TSC22D1: variants seen among roughly 807,000 people sequenced by gnomAD.
TSC22D1 encodes the protein TSC22 domain family member 1.
In TSC22D1, 9 loss-of-function variants were observed where a neutral mutation model predicts 74.2. That is an observed-to-expected ratio of 0.12 (90% CI 0.07 to 0.21). The LOEUF (loss-of-function observed/expected upper bound fraction) is 0.21, where lower values mean the gene tolerates loss of function less well. Among genes scored for constraint, TSC22D1 ranks in the 10% least tolerant of loss-of-function variants. TSC22D1 has a pLI of 1.00. For missense variants in TSC22D1, 1,427 were observed against 1,304.7 expected, an observed-to-expected ratio of 1.09 and a Z score of -1.44; for synonymous variants, 586 against 492.5, an observed-to-expected ratio of 1.19 and a Z score of -2.51.
At chr13:44,561,897 G>A (rs927487056) in intron 1 of TSC22D1, among the ~76,000 whole-genome samples, 15 of 152,090 alleles carry the variant, frequency 9.9e-5, no homozygotes, top group Admixed American at 6.5e-4. Flanking sequence ...ACAAACACAC[G>A]TTTATTCTTG....
In TSC22D1 at chr13:44,526,822, TCA is replaced by T. The variant is rs149240156; in HGVS notation, c.2912+46339_2912+46340del. Among the ~76,000 whole-genome samples, 611 of 152,092 alleles carry T rather than the reference TCA, an allele frequency of 4.0e-3. 5 individuals are homozygous for T. Among genetic ancestry groups the T allele is most frequent in the Middle Eastern group, 0.017 (5 of 294 alleles). On this transcript the variant is annotated intron_variant, in intron 1 of 2. Transcript: ENST00000458659. ...TCCAACATTTATGACAGACACCAAA[TCA>T]CAGAGGCAGAAAGTTTGGAGAACAT... is the stretch of plus-strand genomic sequence containing the variant.
At chr13:44,463,663 G>A (rs1315360803) in intron 1 of TSC22D1, among the ~76,000 whole-genome samples, 1 of 152,144 alleles carries the variant, frequency 6.6e-6, no homozygotes, top group Non-Finnish European at 1.5e-5. Context: ...TGAAAAAAAT[G>A]TATTTGCAAA....
chr13:44,509,950 C>CAAAAAAAAAAAAAAAAAAAAAAACA, intron 1 of TSC22D1, among the ~76,000 whole-genome samples: 13 of 51,420 alleles, frequency 2.5e-4, no homozygotes, highest in South Asian at 1.0e-3. Flanking sequence ...AGAAAATAAG[C>CAAAAAAAAAAAAAAAAAAAAAAACA]AAAAAAAAAA....
intron 1 of TSC22D1, among the ~76,000 whole-genome samples, chr13:44,540,796 G>C (rs1326732918): frequency 6.6e-6 from 1 of 152,180 alleles, no homozygotes; most frequent in Non-Finnish European, 1.5e-5. Context: ...AGGAAAAGCT[G>C]AAAGGAGAAT....
intron 1 of TSC22D1, among the ~76,000 whole-genome samples, chr13:44,566,771 G>T (rs1410687166): frequency 6.6e-6 from 1 of 152,108 alleles, no homozygotes. Context: ...TTTGAAAGCT[G>T]GAAAGCAGAC....
chr13:44,487,078 A>G (rs1011716862), intron 1 of TSC22D1, among the ~76,000 whole-genome samples: 3 of 152,204 alleles, frequency 2.0e-5, no homozygotes, highest in Non-Finnish European at 4.4e-5. Context: ...GCCAAGTAAC[A>G]GAAGATGAAA....
chr13:44,562,563 T>G (rs2138203045), intron 1 of TSC22D1, among the ~76,000 whole-genome samples: 1 of 152,288 alleles, frequency 6.6e-6, no homozygotes, highest in East Asian at 1.9e-4. Context: ...CACTTCCTTT[T>G]TGGTAGAGAC....
intron 1 of TSC22D1, among the ~76,000 whole-genome samples, chr13:44,502,728 C>T (rs1879271887): frequency 6.6e-6 from 1 of 152,296 alleles, no homozygotes. Context: ...GGTTGAGTTG[C>T]TTGACTAAGC....
At chr13:44,555,329 T>C (rs917867036) in intron 1 of TSC22D1, among the ~76,000 whole-genome samples, 1 of 151,716 alleles carries the variant, frequency 6.6e-6, no homozygotes, top group African/African-American at 2.4e-5. Context: ...AATACGTAGG[T>C]CGGGCGTGGT....
chr13:44,566,150 C>T (rs1045582909), intron 1 of TSC22D1, among the ~76,000 whole-genome samples: 1 of 151,910 alleles, frequency 6.6e-6, no homozygotes, highest in Non-Finnish European at 1.5e-5. Context: ...TGAAGCCTGC[C>T]TATTTTTTAG....
chr13:44,463,017 T>C (rs1877083154), intron 1 of TSC22D1, among the ~76,000 whole-genome samples: 1 of 152,198 alleles, frequency 6.6e-6, no homozygotes, highest in South Asian at 2.1e-4. Flanking sequence ...GTTTAAATCC[T>C]GCCAGTCATC....
intron 1 of TSC22D1, among the ~76,000 whole-genome samples, chr13:44,494,966 T>C (rs1205735475): frequency 1.3e-5 from 2 of 151,928 alleles, no homozygotes; most frequent in Non-Finnish European, 2.9e-5. Flanking sequence ...ATACAATAAC[T>C]GAAATGAAAA....
At chr13:44,441,877 T>C (rs1349947942) in intron 1 of TSC22D1, among the ~76,000 whole-genome samples, 3 of 152,120 alleles carry the variant, frequency 2.0e-5, no homozygotes, top group African/African-American at 7.2e-5. Context: ...CACACCTGCA[T>C]GTGAGGAAAC....
In TSC22D1 at chr13:44,574,949, C is replaced by T; in HGVS notation, c.1126G>A (p.Ala376Thr). The change falls in exon 1 of 3, where the codon GCT (alanine) becomes ACT (threonine). Residue 376 changes from alanine (A) to threonine (T), a missense_variant. Around this residue, in one of 3 missense-constraint regions of TSC22D1, gnomAD observed 1,343 missense variants for 1,191.5 expected, o/e 1.13. Coordinates refer to ENST00000458659, the MANE Select transcript of TSC22D1 (RefSeq NM_183422.4). Reference protein sequence around the residue: ...GMGNGTISSSAAVSSVPNAAA... With the variant: ...GMGNGTISSSTAVSSVPNAAA... ...GCATTAGGAACACTGCTAACAGCAGCAGAGGAAGAAATAGTACCATTGCCC... is the reference window on the plus strand; with the variant it reads ...GCATTAGGAACACTGCTAACAGCAGTAGAGGAAGAAATAGTACCATTGCCC... 6.2e-7 allele frequency: 1 copy of T among 1,614,096 alleles called. No homozygotes were observed. The highest frequency in any genetic ancestry group is 8.5e-7 in the Non-Finnish European group (1 of 1,180,016).
intron 1 of TSC22D1, among the ~76,000 whole-genome samples, chr13:44,572,371 A>C (rs1162051336): frequency 6.6e-6 from 1 of 152,212 alleles, no homozygotes; most frequent in Non-Finnish European, 1.5e-5. Context: ...AAAGAAAGGA[A>C]CAGGTGGAGT....
intron 1 of TSC22D1, among the ~76,000 whole-genome samples, chr13:44,479,985 T>G (rs1456666881): frequency 6.6e-6 from 1 of 152,244 alleles, no homozygotes; most frequent in African/African-American, 2.4e-5. Context: ...GACACAGCTC[T>G]GTATTTAACA....
Position 44,433,913 on chromosome 13 carries a change from T to C in TSC22D1, c.*713A>G. ...AGCCAATGAAACAACTAAATTTCAA[T>C]CTGTACAACCTAAATAGTAGTTACA... On this transcript the variant is annotated 3_prime_UTR_variant, in exon 3 of 3. Transcript: ENST00000458659. 6.4e-6 allele frequency: 9 copies of C among 1,409,364 alleles called. No individual in the cohort carries two copies. Among genetic ancestry groups the C allele is most frequent in the Non-Finnish European group, 7.5e-6 (8 of 1,067,756 alleles). The allele number at this position is 1,409,364 out of a possible 1,614,324, so 87.3% of individuals were successfully genotyped here.
At chr13:44,459,204 C>A (rs949611322) in intron 1 of TSC22D1, among the ~76,000 whole-genome samples, 1 of 152,210 alleles carries the variant, frequency 6.6e-6, no homozygotes, top group African/African-American at 2.4e-5. Context: ...GATGTGGGGA[C>A]TACCGGTTGC....
intron 1 of TSC22D1, among the ~76,000 whole-genome samples, chr13:44,551,310 G>GTGTGTGTGT: frequency 7.5e-6 from 1 of 132,858 alleles, no homozygotes; most frequent in South Asian, 2.6e-4. Context: ...ATCAGCTGGG[G>GTGTGTGTGT]GTGTGTGTGT....
Sources: gnomAD v4.1 joint callset for allele counts (sites outside exome capture counted in the v4.1 genomes callset) on GRCh38, gnomAD v4.1.1 for gene constraint, gnomAD v4.1.1 regional missense constraint, MANE v1.5 for transcripts, NCBI Gene and HGNC (gene_info 2026-07-23, HGNC 2026-07-21) for gene names.